RALYL: variants seen among roughly 807,000 people sequenced by gnomAD.
RALYL encodes RALY RNA binding protein like.
In RALYL, 29 loss-of-function variants were observed where a neutral mutation model predicts 35.1. That is an observed-to-expected ratio of 0.83 (90% confidence interval 0.61 to 1.13). RALYL has a LOEUF of 1.13. Among genes scored for constraint, RALYL ranks in the 50% most tolerant of loss-of-function variants. The pLI, the probability that RALYL is intolerant of heterozygous loss-of-function variation, is 0.00. For missense variants in RALYL, 359 were observed against 360.4 expected, an observed-to-expected ratio of 1.00 and a Z score of 0.03; for synonymous variants, 120 against 127.6, an observed-to-expected ratio of 0.94 and a Z score of 0.40.
At chr8:84,209,200 G>GGTAT (rs1362447057) in intron 1 of RALYL, among the ~76,000 whole-genome samples, 1 of 150,616 alleles carries the variant, frequency 6.6e-6, no homozygotes, top group African/African-American at 2.4e-5. Flanking sequence ...ATTTTTAGGA[G>GGTAT]GTATTGTCTT....
intron 1 of RALYL, among the ~76,000 whole-genome samples, chr8:84,476,258 A>G (rs367822995): frequency 5.3e-5 from 8 of 152,286 alleles, no homozygotes; most frequent in African/African-American, 1.9e-4. Flanking sequence ...TATCCAATTC[A>G]TTATATCTAT....
chr8:84,790,527 T>C (rs1820529474), intron 3 of RALYL, among the ~76,000 whole-genome samples: 1 of 152,178 alleles, frequency 6.6e-6, no homozygotes. Context: ...GAAGGAAACA[T>C]AAATTTGTGG....
chr8:84,260,158 G>T (rs1831984076), intron 1 of RALYL, among the ~76,000 whole-genome samples: 1 of 152,096 alleles, frequency 6.6e-6, no homozygotes. Flanking sequence ...ACTTTTTTCT[G>T]TAAAAGAAAC....
chr8:84,287,586 T>C (rs1164460451), intron 1 of RALYL, among the ~76,000 whole-genome samples: 1 of 151,248 alleles, frequency 6.6e-6, no homozygotes, highest in Non-Finnish European at 1.5e-5. Flanking sequence ...GGAAATGGTC[T>C]GGAAGTGGCA....
intron 1 of RALYL, among the ~76,000 whole-genome samples, chr8:84,195,908 C>T (rs1815159309): frequency 6.6e-6 from 1 of 152,038 alleles, no homozygotes; most frequent in Non-Finnish European, 1.5e-5. Context: ...GAGTTTGCAC[C>T]TTTGTATTTA....
At chr8:84,703,283 G>T (rs1189290680) in intron 2 of RALYL, among the ~76,000 whole-genome samples, 1 of 152,056 alleles carries the variant, frequency 6.6e-6, no homozygotes, top group Admixed American at 6.6e-5. Context: ...TGCTCTAAAT[G>T]CACTGAGGCG....
chr8:84,768,742 G>T (rs2129976), intron 2 of RALYL, among the ~76,000 whole-genome samples: 3,121 of 152,234 alleles, frequency 0.021, 121 homozygotes, highest in African/African-American at 0.071. Context: ...TCATAACTCG[G>T]CGACCATCTG....
At chr8:84,689,480 T>C (rs1837557951) in intron 2 of RALYL, among the ~76,000 whole-genome samples, 1 of 152,230 alleles carries the variant, frequency 6.6e-6, no homozygotes, top group African/African-American at 2.4e-5. Context: ...TCTATCATTG[T>C]TGGACATTTG....
intron 2 of RALYL, among the ~76,000 whole-genome samples, chr8:84,614,106 C>T (rs946205341): frequency 6.6e-6 from 1 of 151,286 alleles, no homozygotes; most frequent in East Asian, 1.9e-4. Context: ...CACTGAATTA[C>T]TATAAAGATT....
intron 1 of RALYL, among the ~76,000 whole-genome samples, chr8:84,241,796 A>T (rs922169410): frequency 6.9e-6 from 1 of 144,902 alleles, no homozygotes; most frequent in African/African-American, 2.6e-5. Flanking sequence ...AAAAAAAAAA[A>T]TCTGTATGGA....
chr8:84,417,113 CA>C (rs1271233195), intron 1 of RALYL, among the ~76,000 whole-genome samples: 1,430 of 105,520 alleles, frequency 0.014, 8 homozygotes, highest in African/African-American at 0.036. Flanking sequence ...GGAATTAGAA[CA>C]AAAAAAAAAA....
At chr8:84,711,203 A>G (rs1427019391) in intron 2 of RALYL, among the ~76,000 whole-genome samples, 1 of 152,170 alleles carries the variant, frequency 6.6e-6, no homozygotes, top group Non-Finnish European at 1.5e-5. Context: ...TCAAAAAAGC[A>G]TGAGGAACAT....
intron 2 of RALYL, among the ~76,000 whole-genome samples, chr8:84,650,566 G>A (rs1248842527): frequency 6.6e-5 from 10 of 151,972 alleles, no homozygotes; most frequent in Middle Eastern, 6.8e-3. Context: ...AAAAAGTCAG[G>A]AAACAACAGG....
At chr8:84,356,265 G>A (rs1234572030) in intron 1 of RALYL, among the ~76,000 whole-genome samples, 5 of 150,374 alleles carry the variant, frequency 3.3e-5, no homozygotes, top group Non-Finnish European at 7.4e-5. Context: ...AACCAGGTTT[G>A]AAGGTAGGAT....
chr8:84,754,045 T>C (rs980876206), intron 2 of RALYL, among the ~76,000 whole-genome samples: 4 of 152,018 alleles, frequency 2.6e-5, no homozygotes, highest in African/African-American at 7.3e-5. Flanking sequence ...ATTAGCCCTT[T>C]GTCAGATGAG....
chr8:84,371,567 AC>A (rs1254819453), intron 1 of RALYL, among the ~76,000 whole-genome samples: 1 of 151,526 alleles, frequency 6.6e-6, no homozygotes, highest in Non-Finnish European at 1.5e-5. Flanking sequence ...ACACACACAC[AC>A]ACACAGAAAG....
At chr8:84,292,412 G>A (rs1838933850) in intron 1 of RALYL, among the ~76,000 whole-genome samples, 1 of 152,050 alleles carries the variant, frequency 6.6e-6, no homozygotes, top group South Asian at 2.1e-4. Flanking sequence ...CTTATAAAAG[G>A]GAGGGGAGAA....
At chr8:84,686,017 G>C (rs749337863) in intron 2 of RALYL, among the ~76,000 whole-genome samples, 4 of 152,138 alleles carry the variant, frequency 2.6e-5, no homozygotes, top group Admixed American at 6.6e-5. Flanking sequence ...GTGGATTAGG[G>C]TACATTTTGT....
intron 2 of RALYL, among the ~76,000 whole-genome samples, chr8:84,546,733 G>C (rs1409833462): frequency 1.3e-5 from 2 of 152,198 alleles, no homozygotes; most frequent in Non-Finnish European, 2.9e-5. Flanking sequence ...CTATGCTTGG[G>C]TTATCTGATC....
Sources: allele counts gnomAD v4.1 joint callset (sites outside exome capture counted in the v4.1 genomes callset), GRCh38; gene constraint gnomAD v4.1.1; transcripts MANE v1.5; gene names NCBI Gene and HGNC (gene_info 2026-07-23, HGNC 2026-07-21).